The following UTP14A variants were observed in gnomAD, a reference collection of about 807,000 sequenced individuals.
UTP14A encodes UTP14A small subunit processome component.
In UTP14A, 5 loss-of-function variants were observed where a neutral mutation model predicts 57.2. The observed-to-expected ratio is 0.09, with a 90% confidence interval of 0.05 to 0.18. The LOEUF is 0.18. UTP14A is among the 10% of genes least tolerant of loss of function. The pLI, the probability that UTP14A is intolerant of heterozygous loss-of-function variation, is 1.00. For missense variants in UTP14A, 430 were observed against 562.1 expected (o/e 0.76, Z 2.38); for synonymous variants, 169 against 210.9 (o/e 0.80, Z 1.72).
Position 129,919,382 on chromosome X carries a change from T to C in UTP14A, c.658-13T>C, listed in dbSNP as rs1268703418. 4 of 1,209,819 alleles carry C rather than the reference T, an allele frequency of 3.3e-6. No individual in the cohort carries two copies. The African/African-American group carries it at 7.0e-5, about 21-fold the overall frequency. ...TCTGGCCCAGGTGTCACTGTAAGTC[T>C]CATTTGTTGTAGGCAAAGATGCGAC... On this transcript the variant is annotated splice_polypyrimidine_tract_variant and intron_variant, in intron 7 of 14. Coordinates refer to ENST00000394422, the MANE Select transcript of UTP14A (RefSeq NM_006649.4).
chrX:129,916,109 A>G (rs1929683376), intron 6 of UTP14A, among the ~76,000 whole-genome samples: 1 of 109,273 alleles, frequency 9.2e-6, no homozygotes, highest in African/African-American at 3.3e-5. Flanking sequence ...GCCCGCCACC[A>G]CGCCCAGCTA....
chrX:129,913,771 A>C lies in UTP14A; in HGVS notation c.537+1850A>C, dbSNP rs1023080403. On this transcript the variant is annotated intron_variant, in intron 6 of 14. Coordinates refer to ENST00000394422, the MANE Select transcript of UTP14A (RefSeq NM_006649.4). ...CGAGGCAGGTGGATCACCTGAGGTC[A>C]GGAGTTTGAGACCATCCTGGCCAAC... is the stretch of plus-strand genomic sequence containing the variant. Among the ~76,000 whole-genome samples the C allele has an allele frequency of 5.4e-5, 6 of 111,585 alleles. No individual in the cohort carries two copies. The East Asian group carries it at 1.4e-3, about 26-fold the overall frequency.
At chrX:129,926,692 T>C (rs1930120455) in intron 14 of UTP14A, among the ~76,000 whole-genome samples, 1 of 111,852 alleles carries the variant, frequency 8.9e-6, no homozygotes, top group African/African-American at 3.3e-5. Context: ...AGAAGAAAAT[T>C]TGAGCGTGAT....
At chrX:129,908,363 C>T (rs1929333024) in intron 3 of UTP14A, 1 of 411,970 alleles carries the variant, frequency 2.4e-6, no homozygotes. Context: ...TTATTTAACC[C>T]CATTAGAGAA....
At chrX:129,912,900 C>A (rs1399402516) in intron 6 of UTP14A, among the ~76,000 whole-genome samples, 1 of 111,889 alleles carries the variant, frequency 8.9e-6, no homozygotes, top group Non-Finnish European at 1.9e-5. Context: ...GTTGAAATAT[C>A]TTTTCTTCTA....
At chrX:129,907,957 AAAATAAATAAAT>A (rs762393611) in intron 2 of UTP14A, 91 bp from the exon 3 acceptor site, 6 of 765,434 alleles carry the variant, frequency 7.8e-6, no homozygotes, top group Non-Finnish European at 1.2e-5. Flanking sequence ...CGCCGTCTCA[AAAATAAATAAAT>A]AAATAACAAG....
At chrX:129,908,808 C>CA in intron 4 of UTP14A, 74 bp downstream of exon 4, 1 of 987,401 alleles carries the variant, frequency 1.0e-6, no homozygotes, top group Admixed American at 2.2e-5. Flanking sequence ...ACCTCACCCC[C>CA]CCTAGGAACT....
At chrX:129,908,598 T>G in intron 3 of UTP14A, 72 bp from the exon 4 acceptor site, 1 of 966,804 alleles carries the variant, frequency 1.0e-6, no homozygotes, top group Non-Finnish European at 1.5e-6. Flanking sequence ...AAGAGAGAAG[T>G]GTTTGTCTCT....
intron 6 of UTP14A, among the ~76,000 whole-genome samples, chrX:129,912,961 T>C (rs1316340704): frequency 4.5e-5 from 5 of 112,146 alleles, no homozygotes; most frequent in African/African-American, 1.6e-4. Context: ...ATGGTAGTTA[T>C]GCTCTTGGCA....
chrX:129,923,461 G>T (rs1378045789), intron 11 of UTP14A, among the ~76,000 whole-genome samples: 1 of 111,873 alleles, frequency 8.9e-6, no homozygotes, highest in African/African-American at 3.2e-5. Context: ...TTTTAGTAGA[G>T]ACAGGGTTTT....
chrX:129,908,872 G>A, intron 4 of UTP14A, 138 bp downstream of exon 4: 1 of 575,007 alleles, frequency 1.7e-6, no homozygotes, highest in Admixed American at 2.8e-5. Context: ...AGTGGGTGAA[G>A]AAGTGTAGTC....
At chrX:129,914,651 A>G (rs983776007) in intron 6 of UTP14A, among the ~76,000 whole-genome samples, 1 of 112,133 alleles carries the variant, frequency 8.9e-6, no homozygotes, top group Non-Finnish European at 1.9e-5. Context: ...GCTCCCTAAA[A>G]TTTTGTTTAG....
rs767916375 is a variant in UTP14A, at chrX:129,923,991, C to T, written c.1349-804C>T. On this transcript the variant is annotated intron_variant, in intron 11 of 14. Coordinates refer to ENST00000394422, the MANE Select transcript of UTP14A (RefSeq NM_006649.4). The stretch of plus-strand genomic sequence containing the variant: ...TTTTTTTTTTTTTGAGACGTCTTGC[C>T]CTGTTGCCCAGGCTAGTATGCAGTG... 2.8e-5 allele frequency among the ~76,000 whole-genome samples: 3 copies of T among 108,536 alleles called. No homozygotes were observed. The East Asian group carries it at 8.6e-4, about 31-fold the overall frequency. 94.3% of individuals were successfully genotyped at this position (108,536 alleles called of 115,157 possible). A position where few individuals can be genotyped will look rare whatever the true frequency, so the allele number is the denominator to read the frequency against.
intron 11 of UTP14A, among the ~76,000 whole-genome samples, 155 bp from the exon 12 acceptor site, chrX:129,924,640 A>G (rs754002518): frequency 9.0e-6 from 1 of 111,516 alleles, no homozygotes; most frequent in Admixed American, 9.6e-5. Context: ...TGTACTGTCT[A>G]GGAGATTCAA....
intron 4 of UTP14A, among the ~76,000 whole-genome samples, chrX:129,909,410 C>T (rs948291157): frequency 2.7e-5 from 3 of 110,479 alleles, no homozygotes. Context: ...GGGGTTTCAC[C>T]GTGTTAGCCA....
Position 129,921,271 on chromosome X carries a change from G to A in UTP14A, c.1032G>A (p.Glu344=), listed in dbSNP as rs149583255. The A allele has an allele frequency of 2.9e-4, 352 of 1,209,800 alleles. No individual in the cohort carries two copies. Among genetic ancestry groups the A allele is most frequent in the Non-Finnish European group, 3.6e-4 (325 of 895,253 alleles). ...AACTCCAGGTAGCCTCTGAGAGTGAGGAAGAGGAGGGAGGCACAGAAGATG... is the reference window on the plus strand; with the variant it reads ...AACTCCAGGTAGCCTCTGAGAGTGAAGAAGAGGAGGGAGGCACAGAAGATG... The part of the protein sequence containing the change: ...TQKLQVASES[E]EEEGGTEDVE... Residue 344 remains glutamate (E), a synonymous_variant, in exon 11 of 15, where the codon GAG becomes GAA. Transcript: ENST00000394422.
At chrX:129,918,415 A>T (rs1355702629) in intron 6 of UTP14A, among the ~76,000 whole-genome samples, 1 of 107,763 alleles carries the variant, frequency 9.3e-6, no homozygotes, top group Non-Finnish European at 1.9e-5. Context: ...AAAAAAAAAA[A>T]ACTAACCGCC....
At chrX:129,915,984 T>A in intron 6 of UTP14A, among the ~76,000 whole-genome samples, 1 of 100,273 alleles carries the variant, frequency 1.0e-5, no homozygotes, top group East Asian at 3.1e-4. Context: ...GACGGAGTCT[T>A]GCTCTGTCGC....
intron 10 of UTP14A, 42 bp downstream of exon 10, chrX:129,920,794 A>G: frequency 4.1e-6 from 5 of 1,211,326 alleles, no homozygotes; most frequent in Non-Finnish European, 4.5e-6. Flanking sequence ...GAATTGGAGG[A>G]TGCTAGCAGA....
Sources: gnomAD v4.1 joint callset for allele counts (sites outside exome capture counted in the v4.1 genomes callset) on GRCh38, gnomAD v4.1.1 for gene constraint, MANE v1.5 for transcripts, NCBI Gene and HGNC (gene_info 2026-07-23, HGNC 2026-07-21) for gene names.